The following SPAG16 variants were observed in gnomAD, a reference collection of about 807,000 sequenced individuals.
SPAG16 encodes the protein sperm-associated antigen 16 protein.
SPAG16 carries 86 observed loss-of-function variants against 80.4 expected under a neutral mutation model. The ratio of observed to expected loss-of-function variants is 1.07; its 90% confidence interval spans 0.90 to 1.28. The LOEUF (loss-of-function observed/expected upper bound fraction) is 1.28. SPAG16 is among the 50% of genes most tolerant of loss of function. SPAG16 has a pLI of 0.00. For missense variants in SPAG16, 870 were observed against 765.3 expected (o/e 1.14, Z -1.61); for synonymous variants, 294 against 265.9 (o/e 1.11, Z -1.03).
chr2:213,778,959 C>T (rs769282314), intron 10 of SPAG16, among the ~76,000 whole-genome samples: 13 of 152,154 alleles, frequency 8.5e-5, no homozygotes, highest in Non-Finnish European at 1.5e-4. Context: ...GACATAGCCA[C>T]CATATTTCAT....
chr2:213,493,725 GCCA>G (rs1246120581), intron 10 of SPAG16, among the ~76,000 whole-genome samples: 1 of 152,106 alleles, frequency 6.6e-6, no homozygotes, highest in Non-Finnish European at 1.5e-5. Context: ...ACAGGTGCCT[GCCA>G]CCACACTTGG....
intron 6 of SPAG16, among the ~76,000 whole-genome samples, chr2:213,346,045 CTT>C (rs1187683197): frequency 6.6e-6 from 1 of 152,138 alleles, no homozygotes; most frequent in African/African-American, 2.4e-5. Flanking sequence ...TTTGTATCCT[CTT>C]TTATTTCCTT....
At position 213,885,988 on chromosome 2, in the gene SPAG16, T is replaced by G. The variant is rs576269331; in HGVS notation, c.1214+23360T>G. The stretch of plus-strand genomic sequence containing the variant: ...GAGAAACTCTATTTTTATGCTTAGC[T>G]TCAATAAATTATAGACAGCCATGTA... On this transcript the variant is annotated intron_variant, in intron 11 of 15. Transcript: ENST00000331683. Among the ~76,000 whole-genome samples the G allele has an allele frequency of 2.4e-4, 37 of 152,284 alleles. 1 individual carries two copies. The South Asian group carries it at 4.1e-3, about 17-fold the overall frequency.
chr2:214,335,550 A>C (rs954489522), intron 15 of SPAG16, among the ~76,000 whole-genome samples: 1 of 151,704 alleles, frequency 6.6e-6, no homozygotes, highest in Non-Finnish European at 1.5e-5. Flanking sequence ...TTTAGTGACG[A>C]TGCTGATGTG....
intron 10 of SPAG16, among the ~76,000 whole-genome samples, chr2:213,698,611 T>C (rs2065260828): frequency 6.6e-6 from 1 of 152,182 alleles, no homozygotes; most frequent in Admixed American, 6.5e-5. Context: ...CTACATATTC[T>C]TTTACAGTTA....
At chr2:213,496,339 G>A (rs910989051) in intron 10 of SPAG16, among the ~76,000 whole-genome samples, 3 of 152,120 alleles carry the variant, frequency 2.0e-5, no homozygotes, top group African/African-American at 7.2e-5. Context: ...GAAGAATAGA[G>A]TGACCATTAA....
chr2:213,393,942 T>C (rs943200572), intron 9 of SPAG16, among the ~76,000 whole-genome samples: 1 of 152,164 alleles, frequency 6.6e-6, no homozygotes, highest in African/African-American at 2.4e-5. Context: ...TGTTGGCCCT[T>C]GAAGTATACT....
At chr2:214,325,410 C>A (rs1696404076) in intron 15 of SPAG16, among the ~76,000 whole-genome samples, 1 of 152,098 alleles carries the variant, frequency 6.6e-6, no homozygotes, top group African/African-American at 2.4e-5. Context: ...TCAGCCAAGG[C>A]ATTATTCTTT....
rs113416386 is a variant in SPAG16 at position 213,513,289 on chromosome 2, A to G, written c.1070+23199A>G. Among the ~76,000 whole-genome samples, 1,441 of 152,268 alleles carry G rather than the reference A, an allele frequency of 9.5e-3. 10 individuals carry two copies. The highest frequency in any genetic ancestry group is 0.015 in the Non-Finnish European group (988 of 68,020). On this transcript the variant is annotated intron_variant, in intron 10 of 15. Coordinates refer to ENST00000331683, the MANE Select transcript of SPAG16 (RefSeq NM_024532.5). ...CGTGGTCATACACTGTGGCTGAACC[A>G]TATTCTACCTTCAATGAATGCACCA... is the stretch of plus-strand genomic sequence containing the variant.
At chr2:213,473,347 GA>G (rs1326764665) in intron 9 of SPAG16, among the ~76,000 whole-genome samples, 1 of 152,152 alleles carries the variant, frequency 6.6e-6, no homozygotes, top group African/African-American at 2.4e-5. Context: ...AAATTTTGTA[GA>G]TGAGAACTGC....
chr2:214,389,836 A>G (rs1700968073), intron 15 of SPAG16, among the ~76,000 whole-genome samples: 1 of 152,184 alleles, frequency 6.6e-6, no homozygotes, highest in Non-Finnish European at 1.5e-5. Flanking sequence ...TCTGTTTTTC[A>G]AGATACCTCA....
chr2:213,701,597 G>T (rs1559388317), intron 10 of SPAG16, among the ~76,000 whole-genome samples: 1 of 152,138 alleles, frequency 6.6e-6, no homozygotes. Context: ...ACCTTCCAAG[G>T]GCTGAGGAGT....
intron 10 of SPAG16, among the ~76,000 whole-genome samples, chr2:213,655,299 A>G (rs1405981099): frequency 2.0e-5 from 3 of 152,188 alleles, no homozygotes. Context: ...CTGAAAATTA[A>G]TGTCTATTTT....
chr2:213,443,171 G>A (rs967296697), intron 9 of SPAG16, among the ~76,000 whole-genome samples: 2 of 152,122 alleles, frequency 1.3e-5, no homozygotes, highest in Non-Finnish European at 2.9e-5. Context: ...ATTTTGTGGT[G>A]AGAGTACCTA....
intron 9 of SPAG16, among the ~76,000 whole-genome samples, chr2:213,402,877 C>T (rs2068398475): frequency 6.6e-6 from 1 of 152,166 alleles, no homozygotes; most frequent in Non-Finnish European, 1.5e-5. Context: ...AATAGTGCCG[C>T]AATAAACATA....
intron 13 of SPAG16, among the ~76,000 whole-genome samples, chr2:214,101,131 T>C (rs2052988250): frequency 6.8e-6 from 1 of 146,326 alleles, no homozygotes; most frequent in African/African-American, 2.5e-5. Flanking sequence ...AATATGACTT[T>C]TGATGAGTAT....
intron 12 of SPAG16, among the ~76,000 whole-genome samples, chr2:213,950,668 C>G (rs2079710044): frequency 6.8e-6 from 1 of 146,784 alleles, no homozygotes; most frequent in Non-Finnish European, 1.5e-5. Context: ...CTCCCTCCCT[C>G]CCTCCTTCCT....
chr2:213,284,669 T>G (rs944094765), intron 1 of SPAG16, 50 bp downstream of exon 1: 2 of 1,570,024 alleles, frequency 1.3e-6, no homozygotes, highest in Admixed American at 1.8e-5. Flanking sequence ...GTAATGGGTG[T>G]TGGGACGAAG....
chr2:213,855,221 C>A (rs1427589803), intron 10 of SPAG16, among the ~76,000 whole-genome samples: 1 of 152,210 alleles, frequency 6.6e-6, no homozygotes, highest in Non-Finnish European at 1.5e-5. Flanking sequence ...CAAAATGCAT[C>A]TGAATAAGTA....
Sources: gnomAD v4.1 joint callset for allele counts (sites outside exome capture counted in the v4.1 genomes callset) on GRCh38, gnomAD v4.1.1 for gene constraint, MANE v1.5 for transcripts, NCBI Gene and HGNC (gene_info 2026-07-23, HGNC 2026-07-21) for gene names.